Variants in RAB37 observed in about 807,000 individuals in gnomAD.
The protein encoded by RAB37 is RAB37, member RAS oncogene family.
Under a neutral mutation model 33.1 loss-of-function variants are expected in RAB37, and 29 were observed. That is an observed-to-expected ratio of 0.88 (90% CI 0.65 to 1.20). The LOEUF (loss-of-function observed/expected upper bound fraction) is 1.20, where lower values mean the gene tolerates loss of function less well. RAB37 is among the 50% of genes most tolerant of loss of function. The pLI is 0.00. For missense variants in RAB37, 299 were observed against 301.1 expected (o/e 0.99, Z 0.05); for synonymous variants, 128 against 119.5 (o/e 1.07, Z -0.47).
intron 1 of RAB37, among the ~76,000 whole-genome samples, chr17:74,673,969 T>C (rs117241030): frequency 1.5e-4 from 23 of 152,354 alleles, no homozygotes; most frequent in Non-Finnish European, 4.4e-5. Context: ...CATCAACTTA[T>C]TTGTATTATA....
chr17:74,706,593 G>A (rs184787035), intron 1 of RAB37, among the ~76,000 whole-genome samples: 3 of 152,032 alleles, frequency 2.0e-5, no homozygotes, highest in South Asian at 2.1e-4. Context: ...GCTTGAACCC[G>A]GGAGGCAGAG....
rs1050513115 is a variant in RAB37, at chr17:74,712,993, G to A, written c.73-16263G>A. On this transcript the variant is annotated intron_variant, in intron 1 of 7. Coordinates refer to the RAB37 transcript ENST00000340415. ...TTCCTCCTTCAGTCACTTCCCATGGGTGAAAGAGACTAAAAGAGGAAGGAG... is the reference window on the plus strand; with the variant it reads ...TTCCTCCTTCAGTCACTTCCCATGGATGAAAGAGACTAAAAGAGGAAGGAG... 8.3e-6 allele frequency: 8 copies of A among 963,404 alleles called. No homozygotes were observed. The African/African-American group carries it at 9.8e-5, about 12-fold the overall frequency. The allele number at this position is 963,404 out of a possible 1,614,324, so 59.7% of individuals were successfully genotyped here.
chr17:74,689,459 A>C (rs914352312), intron 1 of RAB37, among the ~76,000 whole-genome samples: 1 of 152,138 alleles, frequency 6.6e-6, no homozygotes, highest in Non-Finnish European at 1.5e-5. Context: ...AAAAGAAAAA[A>C]GAAAGAAAGA....
At chr17:74,699,556 G>A (rs1398072388) in intron 1 of RAB37, among the ~76,000 whole-genome samples, 1 of 152,106 alleles carries the variant, frequency 6.6e-6, no homozygotes, top group African/African-American at 2.4e-5. Flanking sequence ...AGGGATCAGA[G>A]TGATGCCGCC....
chr17:74,687,304 A>C (rs958413624), intron 1 of RAB37, among the ~76,000 whole-genome samples: 1 of 151,580 alleles, frequency 6.6e-6, no homozygotes, highest in Non-Finnish European at 1.5e-5. Flanking sequence ...GCTCACTGCA[A>C]CCTCCATCTC....
Position 74,729,446 on chromosome 17 carries a change from AG to A in RAB37, c.183+82del. The A allele has an allele frequency of 1.1e-6, 1 of 932,122 alleles. No individual in the cohort carries two copies. The highest frequency in any genetic ancestry group is 1.8e-6 in the Non-Finnish European group (1 of 558,240). The allele number at this position is 932,122 out of a possible 1,614,324, so 57.7% of individuals were successfully genotyped here. A position where few individuals can be genotyped will look rare whatever the true frequency, so the allele number is the denominator to read the frequency against. ...TTTCTGTTGAGTGCCAGCAGGAAAC[AG>A]GTGGACACTCGCATTGGATCATTCA... On this transcript the variant is annotated intron_variant, in intron 2 of 7. Transcript: ENST00000340415. This position sits in a 1 kb window ranked among gnomAD's most constrained non-coding sequence, Gnocchi z 4.2.
chr17:74,725,296 C>T (rs2034292406), intron 1 of RAB37, among the ~76,000 whole-genome samples: 6 of 151,730 alleles, frequency 4.0e-5, no homozygotes. Flanking sequence ...AGACATGTAA[C>T]AAGTGCTTTT....
At chr17:74,704,376 G>A (rs2033334907) in intron 1 of RAB37, 1 of 879,508 alleles carries the variant, frequency 1.1e-6, no homozygotes, top group Admixed American at 2.3e-5. Flanking sequence ...CGGGACTCAA[G>A]TGATAGATCA....
rs774013701 is a variant in RAB37, at chr17:74,704,594, C to T, written c.73-24662C>T. The T allele has an allele frequency of 1.2e-5, 20 of 1,614,030 alleles. No individual in the cohort carries two copies. The East Asian group carries it at 1.8e-4, about 14-fold the overall frequency. On this transcript the variant is annotated intron_variant, in intron 1 of 7. Coordinates refer to the RAB37 transcript ENST00000340415. ...ATCCTCCATGGTCACAGTGAACGTGCGGTTTTTCTGATTGTCCTTGATGGA... is the reference window on the plus strand; with the variant it reads ...ATCCTCCATGGTCACAGTGAACGTGTGGTTTTTCTGATTGTCCTTGATGGA...
At chr17:74,699,387 A>G (rs1025336238) in intron 1 of RAB37, among the ~76,000 whole-genome samples, 1 of 151,978 alleles carries the variant, frequency 6.6e-6, no homozygotes, top group African/African-American at 2.4e-5. Context: ...ATTCACATCC[A>G]CTCAGACCCG....
chr17:74,681,526 C>T (rs1274400721), intron 1 of RAB37, among the ~76,000 whole-genome samples: 1 of 152,196 alleles, frequency 6.6e-6, no homozygotes, highest in Admixed American at 6.5e-5. Context: ...AAGACATGGG[C>T]TGAAAAACAC....
chr17:74,720,960 C>T (rs184936039), intron 1 of RAB37, among the ~76,000 whole-genome samples: 4 of 152,272 alleles, frequency 2.6e-5, no homozygotes, highest in Non-Finnish European at 4.4e-5. Context: ...GATAACCGGG[C>T]TCCTCTCTGA....
intron 1 of RAB37, among the ~76,000 whole-genome samples, chr17:74,685,750 A>C (rs2032041103): frequency 6.6e-6 from 1 of 152,230 alleles, no homozygotes; most frequent in Admixed American, 6.5e-5. Flanking sequence ...ACTGACCTCC[A>C]GAAATGCTAG....
intron 1 of RAB37, among the ~76,000 whole-genome samples, chr17:74,698,212 C>G (rs913847930): frequency 6.6e-6 from 1 of 152,156 alleles, no homozygotes; most frequent in East Asian, 1.9e-4. Flanking sequence ...AGCTCCAGGG[C>G]GCCCCCCGGT....
chr17:74,693,346 G>C (rs1000600016), intron 1 of RAB37, among the ~76,000 whole-genome samples: 5 of 152,224 alleles, frequency 3.3e-5, no homozygotes, highest in African/African-American at 1.2e-4. Flanking sequence ...GATGGAGTTG[G>C]GGGTGAAGGG....
chr17:74,736,475 C>G, upstream of RAB37: 2 of 1,366,448 alleles, frequency 1.5e-6, no homozygotes, highest in Non-Finnish European at 1.9e-6. Context: ...TCAAAATGAT[C>G]TACGACTTCA....
At position 74,729,218 on chromosome 17, in the gene RAB37, C is replaced by T. The variant is rs146727959; in HGVS notation, c.73-38C>T. The T allele has an allele frequency of 6.0e-4, 900 of 1,506,200 alleles. 7 individuals are homozygous for T. In the African/African-American group the frequency reaches 9.9e-3, roughly 17 times the overall value. 93.3% of individuals were successfully genotyped at this position (1,506,200 alleles called of 1,614,324 possible). A position where few individuals can be genotyped will look rare whatever the true frequency, so the allele number is the denominator to read the frequency against. On this transcript the variant is annotated intron_variant, in intron 1 of 7. Transcript: ENST00000340415. This position sits in a 1 kb window ranked among gnomAD's most constrained non-coding sequence, Gnocchi z 4.2. ...GGACACCTCTGAGGCCAACTCACAT[C>T]ACAGGCCCTCAGCTCTCTCTCTATT...
At position 74,744,992 on chromosome 17, in the gene RAB37, ACT is replaced by A. The variant is rs1219890215; in HGVS notation, c.490-10_490-9del. The stretch of plus-strand genomic sequence containing the variant: ...GCAACCCGACGCTGGCCCTGAGGAC[ACT>A]CTCTCCCGGGCAGGAGTACGGTGTT... On this transcript the variant is annotated splice_polypyrimidine_tract_variant and intron_variant, in intron 7 of 8. Coordinates refer to ENST00000392613, the MANE Select transcript of RAB37 (RefSeq NM_001006638.3). The surrounding 1 kb of genome is among the most constrained non-coding windows in gnomAD (Gnocchi z 4.2). The A allele has an allele frequency of 3.1e-6, 5 of 1,614,038 alleles. No individual in the cohort carries two copies. Among genetic ancestry groups the A allele is most frequent in the Admixed American group, 3.3e-5 (2 of 60,006 alleles).
At chr17:74,737,436 G>GA (rs1291670308) in intron 1 of RAB37, 71 bp downstream of exon 1, 1 of 1,458,314 alleles carries the variant, frequency 6.9e-7, no homozygotes, top group African/African-American at 1.4e-5. Context: ...GTCTGGGTTG[G>GA]ACTCAGCCCT....
Sources: gnomAD v4.1 joint callset for allele counts (sites outside exome capture counted in the v4.1 genomes callset) on GRCh38, gnomAD v4.1.1 for gene constraint, Gnocchi (gnomAD v3.1) non-coding constraint, MANE v1.5 for transcripts, NCBI Gene and HGNC (gene_info 2026-07-23, HGNC 2026-07-21) for gene names.